SAMD14: variants seen among roughly 807,000 people sequenced by gnomAD.
SAMD14 encodes sterile alpha motif domain containing 14, also known as sterile alpha motif domain-containing protein 14.
Under a neutral mutation model 46.2 loss-of-function variants are expected in SAMD14, and 27 were observed. The observed-to-expected ratio is 0.58, with a 90% CI of 0.43 to 0.81. The LOEUF (loss-of-function observed/expected upper bound fraction) is 0.81. Ranked by LOEUF, SAMD14 falls within the 30% of genes least tolerant of loss-of-function variation. SAMD14 has a pLI of 0.00. For missense variants in SAMD14, 559 were observed against 582.2 expected, an observed-to-expected ratio of 0.96 and a Z score of 0.41; for synonymous variants, 241 against 254.3, an observed-to-expected ratio of 0.95 and a Z score of 0.50.
At position 50,124,978 on chromosome 17, in the gene SAMD14, A is replaced by C; in HGVS notation, c.-12-7T>G. ...AAGCCATGACTCAAGAGAGCTGGGA[A>C]GGACAAGAGGGGAGAGAAAGAAAAA... On this transcript the variant is annotated splice_polypyrimidine_tract_variant and splice_region_variant and intron_variant, in intron 1 of 9. Transcript: ENST00000330175. 6.2e-7 allele frequency: 1 copy of C among 1,613,790 alleles called. No homozygotes were observed. The highest frequency in any genetic ancestry group is 1.7e-4 in the Middle Eastern group (1 of 6,058).
intron 2 of SAMD14, among the ~76,000 whole-genome samples, chr17:50,120,283 C>T (rs940962622): frequency 1.3e-5 from 2 of 151,116 alleles, no homozygotes; most frequent in African/African-American, 4.9e-5. Flanking sequence ...CCTATACATG[C>T]GTACATATGG....
chr17:50,113,010 C>T lies in SAMD14; in HGVS notation c.1137G>A (p.Val379=). The T allele has an allele frequency of 6.2e-7, 1 of 1,612,602 alleles. No individual in the cohort carries two copies. The highest frequency in any genetic ancestry group is 1.3e-5 in the African/African-American group (1 of 75,060). Residue 379 remains valine, a synonymous_variant, in exon 10 of 10, where the codon GTG becomes GTA. Transcript: ENST00000330175. ...GLSNSHDRAL[V]KRKLKEMAAA... is the part of the protein sequence containing the mutation. ...CTGCCATCTCCTTCAACTTGCGCTT[C>T]ACCAGTGCCCGGTCATGAGAGTTGC...
At chr17:50,122,686 G>T (rs1911557769) in intron 2 of SAMD14, among the ~76,000 whole-genome samples, 1 of 152,172 alleles carries the variant, frequency 6.6e-6, no homozygotes, top group Admixed American at 6.5e-5. Flanking sequence ...AAAAGACGGG[G>T]AGACTGGGAG....
Position 50,110,958 on chromosome 17 carries a change from C to T in SAMD14, c.*1935G>A, listed in dbSNP as rs184466614. ...GTTTTATAACCCTGAATGCCCCCAC[C>T]CTTCCCCTAAGCACACAGGGGTTAA... On this transcript the variant is annotated 3_prime_UTR_variant, in exon 10 of 10. Coordinates refer to ENST00000330175, the MANE Select transcript of SAMD14 (RefSeq NM_001257359.2). 80 of 152,380 alleles carry T rather than the reference C, an allele frequency of 5.3e-4. No individual in the cohort carries two copies. The highest frequency in any genetic ancestry group is 1.9e-3 in the African/African-American group (78 of 41,556). 9.4% of individuals were successfully genotyped at this position (152,380 alleles called of 1,614,324 possible). A position where few individuals can be genotyped will look rare whatever the true frequency, so the allele number is the denominator to read the frequency against.
At chr17:50,116,178 T>C in intron 4 of SAMD14, 88 bp from the exon 5 acceptor site, 1 of 1,507,348 alleles carries the variant, frequency 6.6e-7, no homozygotes, top group South Asian at 1.3e-5. Flanking sequence ...GAAATTCTCT[T>C]GACTTAGAAT....
At chr17:50,123,083 TG>T (rs372126229) in intron 2 of SAMD14, among the ~76,000 whole-genome samples, 1 of 152,200 alleles carries the variant, frequency 6.6e-6, no homozygotes, top group African/African-American at 2.4e-5. Context: ...GCTCTTACTG[TG>T]CTAGGCACTG....
intron 1 of SAMD14, among the ~76,000 whole-genome samples, chr17:50,126,358 G>A (rs1911772619): frequency 6.7e-6 from 1 of 148,656 alleles, no homozygotes; most frequent in South Asian, 2.1e-4. Context: ...AGGCTGGAGT[G>A]CAGTGGCGCT....
rs889978393 is a variant in SAMD14, at chr17:50,117,758, A to G, written c.211-63T>C. On this transcript the variant is annotated intron_variant, in intron 3 of 9. Transcript: ENST00000330175. Reference sequence around the variant, plus strand: ...CCTCCCTTCCCGGAGGAGCTGGGAGACTTTCACCCTGTAAACTGCGGGCCC... The same window carrying G: ...CCTCCCTTCCCGGAGGAGCTGGGAGGCTTTCACCCTGTAAACTGCGGGCCC... The G allele has an allele frequency of 5.9e-6, 8 of 1,364,904 alleles. No homozygotes were observed. The Admixed American group carries it at 1.4e-4, about 23-fold the overall frequency. 84.5% of individuals were successfully genotyped at this position (1,364,904 alleles called of 1,614,324 possible). A position where few individuals can be genotyped will look rare whatever the true frequency, so the allele number is the denominator to read the frequency against.
intron 3 of SAMD14, 125 bp downstream of exon 3, chr17:50,118,036 G>T: frequency 9.8e-7 from 1 of 1,025,346 alleles, no homozygotes; most frequent in Non-Finnish European, 1.4e-6. Context: ...ACACTTGGCA[G>T]CATTACTAGG....
At position 50,124,807 on chromosome 17, in the gene SAMD14, A is replaced by ACACACACT. The variant is rs1567723184; in HGVS notation, c.43+109_43+110insAGTGTGTG. ...CACACACACACACACACACACACAC[A>ACACACACT]CTCTGAAGCTGCCAAGAAGCACCCT... On this transcript the variant is annotated intron_variant, in intron 2 of 9. Coordinates refer to ENST00000330175, the MANE Select transcript of SAMD14 (RefSeq NM_001257359.2). 25 of 1,012,784 alleles carry ACACACACT rather than the reference A, an allele frequency of 2.5e-5. No homozygotes were observed. In the African/African-American group the frequency reaches 2.9e-4, roughly 12 times the overall value. The allele number at this position is 1,012,784 out of a possible 1,614,324, so 62.7% of individuals were successfully genotyped here.
chr17:50,117,871 T>C, intron 3 of SAMD14, 176 bp from the exon 4 acceptor site: 1 of 705,816 alleles, frequency 1.4e-6, no homozygotes. Flanking sequence ...AAACAGGAAC[T>C]TTGAGTCACA....
At chr17:50,124,447 T>C (rs147358684) in intron 2 of SAMD14, among the ~76,000 whole-genome samples, 1,533 of 152,270 alleles carry the variant, frequency 0.01, 10 homozygotes, top group Non-Finnish European at 0.017. Context: ...GGCTGGAGTT[T>C]ACAGATGTAT....
chr17:50,117,801 C>T (rs1911305817), intron 3 of SAMD14, 106 bp from the exon 4 acceptor site: 1 of 1,215,676 alleles, frequency 8.2e-7, no homozygotes, highest in East Asian at 3.1e-5. Flanking sequence ...CCTTCCGGGG[C>T]CTAGAGGGAG....
intron 2 of SAMD14, among the ~76,000 whole-genome samples, chr17:50,120,821 C>A (rs1015026966): frequency 2.0e-4 from 30 of 152,226 alleles, no homozygotes; most frequent in African/African-American, 7.2e-4. Context: ...CAAGTCTTCG[C>A]TTAAATGCTT....
intron 9 of SAMD14, 105 bp from the exon 10 acceptor site, chr17:50,113,153 A>G (rs1910959066): frequency 7.3e-7 from 1 of 1,362,192 alleles, no homozygotes; most frequent in Admixed American, 2.3e-5. Flanking sequence ...GGAGCTCCAA[A>G]TCCTCCCTGG....
In SAMD14 at chr17:50,110,766, C is replaced by T. The variant is rs2144381935; in HGVS notation, c.*2127G>A. 6.6e-6 allele frequency: 1 copy of T among 152,360 alleles called. No individual in the cohort carries two copies. The highest frequency in any genetic ancestry group is 1.5e-5 in the Non-Finnish European group (1 of 68,058). 9.4% of individuals were successfully genotyped at this position (152,360 alleles called of 1,614,324 possible). ...GGCCCTGCAGTGGCCTTGGCAATGT[C>T]TGTGCCACCTCCTGAGCCCTCCCAG... is the stretch of plus-strand genomic sequence containing the variant. On this transcript the variant is annotated 3_prime_UTR_variant, in exon 10 of 10. Transcript: ENST00000330175.
Position 50,110,290 on chromosome 17 carries a change from C to T in SAMD14, c.*2603G>A, listed in dbSNP as rs1910763321. On this transcript the variant is annotated 3_prime_UTR_variant, in exon 10 of 10. Coordinates refer to ENST00000330175, the MANE Select transcript of SAMD14 (RefSeq NM_001257359.2). The stretch of plus-strand genomic sequence containing the variant: ...TGCCAGTCCATCTCTGTGGAGACCC[C>T]TCGGTGGCCTCCCTATCTCTGTGGG... 2 of 486,450 alleles carry T rather than the reference C, an allele frequency of 4.1e-6. No homozygotes were observed. The highest frequency in any genetic ancestry group is 3.5e-5 in the East Asian group (1 of 28,898). The allele number at this position is 486,450 out of a possible 1,614,324, so 30.1% of individuals were successfully genotyped here.
At chr17:50,116,232 G>T in intron 4 of SAMD14, 142 bp from the exon 5 acceptor site, 1 of 1,331,282 alleles carries the variant, frequency 7.5e-7, no homozygotes, top group Non-Finnish European at 1.0e-6. Context: ...GGGTGTCCTA[G>T]GATAAGCCAC....
At position 50,115,197 on chromosome 17, in the gene SAMD14, TCACC is replaced by T. The variant is rs1911116478; in HGVS notation, c.822+363_822+366del. Among the ~76,000 whole-genome samples, 2 of 152,164 alleles carry T rather than the reference TCACC, an allele frequency of 1.3e-5. No individual in the cohort carries two copies. The highest frequency in any genetic ancestry group is 2.9e-5 in the Non-Finnish European group (2 of 68,042). ...TGTTTGTCTCTATATCCCCCAGGCCTCACCCTACCAAGCAGGTGGCCCAGCTCCT... is the reference window on the plus strand; with the variant it reads ...TGTTTGTCTCTATATCCCCCAGGCCTCTACCAAGCAGGTGGCCCAGCTCCT... On this transcript the variant is annotated intron_variant, in intron 7 of 9. Transcript: ENST00000330175. The surrounding 1 kb of genome is among the most constrained non-coding windows in gnomAD (Gnocchi z 5.3).
Sources: gnomAD v4.1 joint callset for allele counts (sites outside exome capture counted in the v4.1 genomes callset) on GRCh38, gnomAD v4.1.1 for gene constraint, Gnocchi (gnomAD v3.1) non-coding constraint, MANE v1.5 for transcripts, NCBI Gene and HGNC (gene_info 2026-07-23, HGNC 2026-07-21) for gene names.